The following HIF1A variants were observed in gnomAD, a reference collection of about 807,000 sequenced individuals.
The protein encoded by HIF1A is hypoxia-inducible factor 1-alpha.
HIF1A carries 24 observed loss-of-function variants against 92.7 expected under a neutral mutation model. The observed-to-expected ratio is 0.26, with a 90% confidence interval of 0.19 to 0.36. HIF1A has a LOEUF of 0.36. Ranked by LOEUF, HIF1A falls within the 10% of genes least tolerant of loss-of-function variation. HIF1A has a pLI of 1.00. For missense variants in HIF1A, 799 were observed against 998.5 expected (o/e 0.80, Z 2.69); for synonymous variants, 319 against 338.7 (o/e 0.94, Z 0.64).
chr14:61,733,029 C>T (rs2044594970), intron 7 of HIF1A, among the ~76,000 whole-genome samples: 1 of 152,150 alleles, frequency 6.6e-6, no homozygotes, highest in Admixed American at 6.5e-5. Flanking sequence ...TCACCTCAAG[C>T]ATTATCTTGT....
rs575811934 is a variant in HIF1A, at chr14:61,708,345, G to T, written c.36-12037G>T. 5.9e-3 allele frequency among the ~76,000 whole-genome samples: 904 copies of T among 152,222 alleles called. 13 individuals carry two copies. Among genetic ancestry groups the T allele is most frequent in the African/African-American group, 0.02 (843 of 41,522 alleles). Reference sequence around the variant, plus strand: ...TGTCAATTTTGGCTTCTGTTGCCATGGCTTTTGGTGTTTTAAACATGAAGT... The same window carrying T: ...TGTCAATTTTGGCTTCTGTTGCCATTGCTTTTGGTGTTTTAAACATGAAGT... On this transcript the variant is annotated intron_variant, in intron 1 of 14. Transcript: ENST00000337138.
Position 61,695,581 on chromosome 14 carries a change from G to A in HIF1A, c.-224G>A. On this transcript the variant is annotated 5_prime_UTR_variant, in exon 1 of 15. Coordinates refer to ENST00000337138, the MANE Select transcript of HIF1A (RefSeq NM_001530.4). ...TCTTCGTCGCTTCGGCCAGTGTGTC[G>A]GGCTGGGCCCTGACAAGCCACCTGA... 5.1e-6 allele frequency: 3 copies of A among 589,996 alleles called. No homozygotes were observed. Among genetic ancestry groups the A allele is most frequent in the South Asian group, 2.0e-5 (1 of 49,518 alleles). The allele number at this position is 589,996 out of a possible 1,614,324, so 36.5% of individuals were successfully genotyped here.
rs1414586940 is a variant in HIF1A, at chr14:61,740,881, C to G, written c.1786C>G (p.Gln596Glu). The change falls in exon 12 of 15, where the codon CAA becomes GAA. Residue 596 changes from glutamine to glutamate, a missense_variant. Gln to Glu is a conservative substitution (Grantham distance 29). Coordinates refer to ENST00000337138, the MANE Select transcript of HIF1A (RefSeq NM_001530.4). ...SSASPESASP[Q>E]STVTVFQQTQ... The stretch of plus-strand genomic sequence containing the variant: ...CGCAAGCCCTGAAAGCGCAAGTCCT[C>G]AAAGCACAGTTACAGTATTCCAGCA... 3.1e-6 allele frequency: 5 copies of G among 1,614,182 alleles called. No homozygotes were observed. The East Asian group carries it at 1.1e-4, about 36-fold the overall frequency.
chr14:61,707,413 G>A (rs192702859), intron 1 of HIF1A, among the ~76,000 whole-genome samples: 2,174 of 152,076 alleles, frequency 0.014, 49 homozygotes, highest in African/African-American at 0.05. Context: ...CCAGTAACTC[G>A]TCATTTAACA....
intron 1 of HIF1A, among the ~76,000 whole-genome samples, chr14:61,713,106 T>C (rs552002775): frequency 6.6e-6 from 1 of 152,252 alleles, no homozygotes; most frequent in East Asian, 1.9e-4. Context: ...ATGGTGCTTT[T>C]GAGTAACTGC....
At chr14:61,737,869 A>T (rs773265457) in intron 9 of HIF1A, among the ~76,000 whole-genome samples, 64 of 152,250 alleles carry the variant, frequency 4.2e-4, no homozygotes, top group Middle Eastern at 3.4e-3. Flanking sequence ...TCTACCAAAA[A>T]TACAAAAGTT....
intron 13 of HIF1A, chr14:61,745,448 T>A: frequency 2.1e-6 from 1 of 478,676 alleles, no homozygotes; most frequent in Middle Eastern, 5.9e-4. Context: ...CTGCTATGTT[T>A]TGGGGTAAGT....
At chr14:61,725,339 TAATA>T (rs1240592120) in intron 4 of HIF1A, among the ~76,000 whole-genome samples, 1 of 152,216 alleles carries the variant, frequency 6.6e-6, no homozygotes, top group Admixed American at 6.5e-5. Flanking sequence ...AGGTTCTGAA[TAATA>T]AATATTTTTA....
In HIF1A at chr14:61,711,207, C is replaced by CTTTT. The variant is rs10615564; in HGVS notation, c.36-9155_36-9152dup. On this transcript the variant is annotated intron_variant, in intron 1 of 14. Transcript: ENST00000337138. ...AGATGATAAAGATGTTTAAGTATTC[C>CTTTT]TTTTTTTTTTTTTTTTTTTTTTTGA... 5.5e-3 allele frequency among the ~76,000 whole-genome samples: 474 copies of CTTTT among 86,122 alleles called. 20 individuals are homozygous for CTTTT. The highest frequency in any genetic ancestry group is 0.015 in the African/African-American group (352 of 23,230). 56.5% of individuals were successfully genotyped at this position (86,122 alleles called of 152,430 possible).
At chr14:61,701,173 C>T (rs2044171935) in intron 1 of HIF1A, among the ~76,000 whole-genome samples, 1 of 152,140 alleles carries the variant, frequency 6.6e-6, no homozygotes, top group Non-Finnish European at 1.5e-5. Context: ...AAGATGTTAG[C>T]TTTTAGCTGT....
At chr14:61,707,371 A>T (rs2044251459) in intron 1 of HIF1A, among the ~76,000 whole-genome samples, 1 of 152,000 alleles carries the variant, frequency 6.6e-6, no homozygotes. Context: ...TTAGTTACAT[A>T]TGTATACATG....
chr14:61,728,566 C>T (rs1347610483), intron 6 of HIF1A, among the ~76,000 whole-genome samples: 1 of 152,242 alleles, frequency 6.6e-6, no homozygotes, highest in African/African-American at 2.4e-5. Context: ...ACCATACACA[C>T]ATGACTCCAG....
At chr14:61,711,238 T>C (rs1594862458) in intron 1 of HIF1A, among the ~76,000 whole-genome samples, 1 of 132,540 alleles carries the variant, frequency 7.5e-6, no homozygotes, top group Admixed American at 8.1e-5. Flanking sequence ...TTTGAGACAG[T>C]GTCTTGCTCT....
chr14:61,732,549 G>A, intron 7 of HIF1A, 25 bp downstream of exon 7: 1 of 1,374,372 alleles, frequency 7.3e-7, no homozygotes, highest in Non-Finnish European at 1.0e-6. Flanking sequence ...AGAACTCAGA[G>A]ATATTCTAAT....
At chr14:61,737,952 G>A (rs1211967544) in intron 9 of HIF1A, 135 bp from the exon 10 acceptor site, 1 of 618,008 alleles carries the variant, frequency 1.6e-6, no homozygotes, top group Non-Finnish European at 2.7e-6. Flanking sequence ...GCTTGAACCT[G>A]GGAGGCAGAG....
intron 8 of HIF1A, among the ~76,000 whole-genome samples, chr14:61,735,687 G>A (rs1271540412): frequency 2.0e-5 from 3 of 152,178 alleles, no homozygotes; most frequent in Non-Finnish European, 4.4e-5. Context: ...TAAGCCAAAC[G>A]TGAAGATAAA....
intron 1 of HIF1A, among the ~76,000 whole-genome samples, chr14:61,698,315 T>A (rs1486548512): frequency 1.3e-5 from 2 of 152,210 alleles, no homozygotes; most frequent in African/African-American, 4.8e-5. Flanking sequence ...GCATAGGATC[T>A]AGAGGCAGAT....
intron 6 of HIF1A, 46 bp downstream of exon 6, chr14:61,727,701 C>T: frequency 1.5e-6 from 2 of 1,312,298 alleles, no homozygotes; most frequent in Non-Finnish European, 2.2e-6. Context: ...AATTAGTCTA[C>T]AGCATTACTG....
rs367767967 is a variant in HIF1A at position 61,734,255 on chromosome 14, A to G, written c.998A>G (p.Gln333Arg). ...VIYNTKNSQP[Q>R]CIVCVNYVVS... ...TATAACACCAAGAATTCTCAACCAC[A>G]GTGCATTGTATGTGTGAATTACGTT... is the stretch of plus-strand genomic sequence containing the variant. Residue 333 changes from glutamine (Q) to arginine (R), a missense_variant, in exon 8 of 15, where the codon CAG (glutamine) becomes CGG (arginine). By Grantham distance (43) the Gln-to-Arg change is conservative (BLOSUM62 1). This residue lies in a region of HIF1A where 516 missense variants were observed against 721.0 expected (regional missense o/e 0.72). Coordinates refer to ENST00000337138, the MANE Select transcript of HIF1A (RefSeq NM_001530.4). The G allele has an allele frequency of 6.2e-7, 1 of 1,612,820 alleles. No individual in the cohort carries two copies. The highest frequency in any genetic ancestry group is 8.5e-7 in the Non-Finnish European group (1 of 1,179,262).
Sources: allele counts gnomAD v4.1 joint callset (sites outside exome capture counted in the v4.1 genomes callset), GRCh38; gene constraint gnomAD v4.1.1; regional missense constraint gnomAD v4.1.1; transcripts MANE v1.5; gene names NCBI Gene and HGNC (gene_info 2026-07-23, HGNC 2026-07-21).